PLEKHG5: variants seen among roughly 807,000 people sequenced by gnomAD.
PLEKHG5 encodes pleckstrin homology domain-containing family G member 5.
A neutral mutation model predicts 103.8 loss-of-function variants in PLEKHG5; 52 were observed. The observed-to-expected ratio is 0.50, with a 90% confidence interval of 0.40 to 0.63. The LOEUF is 0.63. PLEKHG5 is among the 30% of genes least tolerant of loss of function. PLEKHG5 has a pLI of 0.00. For synonymous variants in PLEKHG5, 592 were observed against 575.5 expected (o/e 1.03, Z -0.41); for missense variants, 1,205 against 1,347.6 (o/e 0.89, Z 1.66).
In PLEKHG5 at chr1:6,468,557, G is replaced by A. The variant is rs1569836518; in HGVS notation, c.2279C>T (p.Ala760Val). The A allele has an allele frequency of 6.2e-7, 1 of 1,613,014 alleles. No individual in the cohort carries two copies. Among genetic ancestry groups the A allele is most frequent in the Non-Finnish European group, 8.5e-7 (1 of 1,179,990 alleles). Residue 760 changes from alanine to valine, a missense_variant, in exon 20 of 21, where the codon GCC (alanine) becomes GTC (valine). Physicochemically the swap from Ala to Val is moderately conservative, Grantham distance 64. Coordinates refer to ENST00000377728, the MANE Select transcript of PLEKHG5 (RefSeq NM_020631.6). ...CASDGSTETL[A>V]MVVVEPGDTL... ...GTCCCCAGGCTCTACCACAACCATG[G>A]CCAGGGTCTCCGTGGAGCCATCTGA...
intron 1 of PLEKHG5, among the ~76,000 whole-genome samples, chr1:6,509,806 G>T (rs1288696731): frequency 6.6e-6 from 1 of 152,174 alleles, no homozygotes; most frequent in Non-Finnish European, 1.5e-5. Flanking sequence ...AGCCCCCCAG[G>T]GTGTCATCTC....
intron 10 of PLEKHG5, among the ~76,000 whole-genome samples, chr1:6,472,104 C>T (rs1644609783): frequency 6.6e-6 from 1 of 152,230 alleles, no homozygotes; most frequent in Non-Finnish European, 1.5e-5. Flanking sequence ...CCACCTCTGC[C>T]CTGGCTTAGC....
intron 1 of PLEKHG5, among the ~76,000 whole-genome samples, chr1:6,478,664 G>C (rs1644824000): frequency 6.6e-6 from 1 of 151,782 alleles, no homozygotes; most frequent in Non-Finnish European, 1.5e-5. Context: ...ATTTTTCTGA[G>C]AAGGGGTCTC....
chr1:6,513,164 G>A (rs1387907633), intron 1 of PLEKHG5, among the ~76,000 whole-genome samples: 2 of 152,240 alleles, frequency 1.3e-5, no homozygotes, highest in East Asian at 1.9e-4. Flanking sequence ...AGACTCTATC[G>A]GGGATGCAGG....
At chr1:6,514,465 G>T (rs896837400) in intron 1 of PLEKHG5, among the ~76,000 whole-genome samples, 4 of 145,744 alleles carry the variant, frequency 2.7e-5, no homozygotes, top group Non-Finnish European at 4.5e-5. Context: ...AAAAAAAAAA[G>T]AAAAAGAAAG....
At position 6,471,037 on chromosome 1, in the gene PLEKHG5, T is replaced by C. The variant is rs767686554; in HGVS notation, c.1345A>G (p.Met449Val). 15 of 1,606,062 alleles carry C rather than the reference T, an allele frequency of 9.3e-6. No individual in the cohort carries two copies. Among genetic ancestry groups the C allele is most frequent in the Middle Eastern group, 1.7e-4 (1 of 6,058 alleles). ...TCGTTGTCGCGCAGCAGGCCGCGCA[T>C]GTACTCCATGCAGCCCTCCTCCTCC... ...CMEEEGCMEYMRGLLRDNDLF... is the reference protein window; with the variant it reads ...CMEEEGCMEYVRGLLRDNDLF... Residue 449 changes from methionine (M) to valine (V), a missense_variant, in exon 13 of 21, where the codon ATG (methionine) becomes GTG (valine). Coordinates refer to ENST00000377728, the MANE Select transcript of PLEKHG5 (RefSeq NM_020631.6).
chr1:6,498,948 G>T (rs1488182184), upstream of PLEKHG5, among the ~76,000 whole-genome samples: 2 of 152,196 alleles, frequency 1.3e-5, no homozygotes, highest in Non-Finnish European at 2.9e-5. Flanking sequence ...GGTGGAGTGG[G>T]GTTCGGGGCT....
chr1:6,519,702 C>T (rs924776222), exon 1 of PLEKHG5: 16 of 634,076 alleles, frequency 2.5e-5, no homozygotes, highest in African/African-American at 5.5e-5. Flanking sequence ...AAAACCAAGG[C>T]GCTCTCAGCC....
chr1:6,488,567 G>A (rs1259720476), intron 1 of PLEKHG5, among the ~76,000 whole-genome samples: 1 of 152,238 alleles, frequency 6.6e-6, no homozygotes, highest in African/African-American at 2.4e-5. Flanking sequence ...CCATCCCTGA[G>A]TGAGGCTGCT....
chr1:6,497,443 G>T, upstream of PLEKHG5: 1 of 642,136 alleles, frequency 1.6e-6, no homozygotes, highest in Non-Finnish European at 1.9e-6. The surrounding 1 kb of genome is among the most constrained non-coding windows in gnomAD (Gnocchi z 6.1). Flanking sequence ...GGCGGGGCAG[G>T]TGGGCGGGGA....
chr1:6,500,835 G>A (rs548276410), upstream of PLEKHG5, among the ~76,000 whole-genome samples: 9 of 152,182 alleles, frequency 5.9e-5, no homozygotes, highest in East Asian at 1.2e-3. Context: ...CCCACCTCCC[G>A]TCGCAGGGAG....
exon 1 of PLEKHG5, chr1:6,519,789 T>C (rs1638724653): frequency 5.5e-6 from 3 of 546,356 alleles, no homozygotes; most frequent in Non-Finnish European, 9.9e-6. Flanking sequence ...CAGCCGCCGC[T>C]CACACTGCAT....
chr1:6,517,309 A>C (rs1638653389), intron 1 of PLEKHG5, among the ~76,000 whole-genome samples: 1 of 138,470 alleles, frequency 7.2e-6, no homozygotes, highest in Admixed American at 6.9e-5. Context: ...TCCATCTCAA[A>C]AAAAAAAAAA....
chr1:6,494,429 C>G (rs1384571065), upstream of PLEKHG5, among the ~76,000 whole-genome samples: 1 of 151,828 alleles, frequency 6.6e-6, no homozygotes, highest in East Asian at 1.9e-4. Context: ...CCACGCCAGG[C>G]CTTTTTTTTA....
exon 1 of PLEKHG5, chr1:6,519,572 GC>G: frequency 7.9e-7 from 1 of 1,260,306 alleles, no homozygotes; most frequent in South Asian, 1.2e-5. Context: ...AATGCCACAG[GC>G]CTCTCTAATC....
chr1:6,488,912 T>C (rs1350828462), intron 1 of PLEKHG5, among the ~76,000 whole-genome samples: 1 of 151,902 alleles, frequency 6.6e-6, no homozygotes, highest in Non-Finnish European at 1.5e-5. Context: ...CCGGCTGTTC[T>C]CCCTCAGTAT....
At chr1:6,475,178 CACCGCCCTCATT>C (rs1204755902) in intron 4 of PLEKHG5, 40 bp from the exon 5 acceptor site, 4 of 1,167,820 alleles carry the variant, frequency 3.4e-6, no homozygotes, top group Non-Finnish European at 5.2e-6. Flanking sequence ...AGCTTCTCCT[CACCGCCCTCATT>C]CCCGCCCTCC....
At chr1:6,479,762 C>T (rs1644856093) in intron 1 of PLEKHG5, among the ~76,000 whole-genome samples, 1 of 152,150 alleles carries the variant, frequency 6.6e-6, no homozygotes, top group South Asian at 2.1e-4. Context: ...TAGGTGCATG[C>T]CACTACGCCC....
rs143484278 is a variant in PLEKHG5 at position 6,474,072 on chromosome 1, C to G, written c.532G>C (p.Gly178Arg). ...SLPILRPAGT[G>R]PPALERVDAQ... Reference sequence around the variant, plus strand: ...TCCACACGCTCCAGGGCGGGGGGCCCGGTCCCAGCTGGCCGCAGAATCGGC... The same window carrying G: ...TCCACACGCTCCAGGGCGGGGGGCCGGGTCCCAGCTGGCCGCAGAATCGGC... The change falls in exon 7 of 21, where the codon GGG (glycine) becomes CGG (arginine). Residue 178 changes from glycine (G) to arginine (R), a missense_variant. Physicochemically the swap from Gly to Arg is moderately radical, Grantham distance 125. Transcript: ENST00000377728. 6 of 1,612,330 alleles carry G rather than the reference C, an allele frequency of 3.7e-6. No homozygotes were observed. The highest frequency in any genetic ancestry group is 4.5e-5 in the East Asian group (2 of 44,846).
Sources: allele counts gnomAD v4.1 joint callset (sites outside exome capture counted in the v4.1 genomes callset), GRCh38; gene constraint gnomAD v4.1.1; non-coding constraint Gnocchi (gnomAD v3.1); transcripts MANE v1.5; gene names NCBI Gene and HGNC (gene_info 2026-07-23, HGNC 2026-07-21).